The following TPRG1 variants were observed in gnomAD, a reference collection of about 807,000 sequenced individuals.
TPRG1 encodes tumor protein p63-regulated gene 1 protein.
Under a neutral mutation model 29.3 loss-of-function variants are expected in TPRG1, and 29 were observed. The observed-to-expected ratio is 0.99, with a 90% CI of 0.74 to 1.35. The LOEUF (loss-of-function observed/expected upper bound fraction) is 1.35, where lower values mean the gene tolerates loss of function less well. Ranked by LOEUF, TPRG1 falls within the 40% of genes most tolerant of loss-of-function variation. The pLI is 0.00. For missense variants in TPRG1, 327 were observed against 335.0 expected, an observed-to-expected ratio of 0.98 and a Z score of 0.19; for synonymous variants, 130 against 116.8, an observed-to-expected ratio of 1.11 and a Z score of -0.73.
At chr3:188,999,573 C>T (rs1362378777) in intron 1 of TPRG1, among the ~76,000 whole-genome samples, 2 of 151,986 alleles carry the variant, frequency 1.3e-5, no homozygotes, top group Non-Finnish European at 2.9e-5. Flanking sequence ...CTTATTTGCC[C>T]TTTTTTTCTT....
At chr3:189,299,766 T>G (rs1003421140) in intron 4 of TPRG1, among the ~76,000 whole-genome samples, 1 of 152,168 alleles carries the variant, frequency 6.6e-6, no homozygotes, top group African/African-American at 2.4e-5. Flanking sequence ...TCACAGTTCA[T>G]TTGATGATGT....
At chr3:189,031,866 A>T (rs1326073565) in intron 4 of TPRG1, among the ~76,000 whole-genome samples, 1 of 152,224 alleles carries the variant, frequency 6.6e-6, no homozygotes, top group Non-Finnish European at 1.5e-5. Flanking sequence ...CACCAAGGAA[A>T]GTAGCAATTA....
upstream of TPRG1, among the ~76,000 whole-genome samples, chr3:189,099,688 A>G (rs368742244): frequency 3.3e-5 from 5 of 152,058 alleles, no homozygotes; most frequent in Non-Finnish European, 7.4e-5. Context: ...CGGTAGCTCA[A>G]TTGCTTAAAA....
intron 3 of TPRG1, among the ~76,000 whole-genome samples, chr3:189,227,739 A>T (rs1737984353): frequency 6.6e-6 from 1 of 152,258 alleles, no homozygotes; most frequent in Non-Finnish European, 1.5e-5. Context: ...ATAATAAATT[A>T]AAAACTGTAA....
chr3:189,172,313 A>G (rs182476004), intron 1 of TPRG1, among the ~76,000 whole-genome samples, 182 bp downstream of exon 1: 254 of 151,530 alleles, frequency 1.7e-3, no homozygotes, highest in Admixed American at 4.2e-3. Flanking sequence ...TCCAGGGTTG[A>G]TGAGGCTTGT....
chr3:189,254,337 A>G (rs557877971), intron 4 of TPRG1, among the ~76,000 whole-genome samples: 62 of 152,102 alleles, frequency 4.1e-4, no homozygotes, highest in Middle Eastern at 3.4e-3. Flanking sequence ...CTGTAGATGT[A>G]TGGTGTTATT....
At chr3:189,137,733 A>G (rs1046917899) in intron 3 of TPRG1, among the ~76,000 whole-genome samples, 1 of 152,138 alleles carries the variant, frequency 6.6e-6, no homozygotes, top group Non-Finnish European at 1.5e-5. Flanking sequence ...ACAACACTTT[A>G]TGCCTGCTTC....
At chr3:189,253,786 C>G (rs1459867328) in intron 4 of TPRG1, among the ~76,000 whole-genome samples, 1 of 152,148 alleles carries the variant, frequency 6.6e-6, no homozygotes, top group African/African-American at 2.4e-5. Flanking sequence ...TTTTAATGAT[C>G]ACAATTCTAA....
chr3:189,062,263 A>G (rs544681007), intron 4 of TPRG1, among the ~76,000 whole-genome samples: 21 of 152,160 alleles, frequency 1.4e-4, no homozygotes, highest in Admixed American at 3.9e-4. Context: ...AAAGAAGGGA[A>G]CAACAGATAC....
intron 3 of TPRG1, among the ~76,000 whole-genome samples, chr3:189,139,271 T>G (rs1285121100): frequency 1.3e-5 from 2 of 152,218 alleles, no homozygotes; most frequent in African/African-American, 4.8e-5. Context: ...AAACCCACAC[T>G]GTGCTCTTTG....
intron 1 of TPRG1, among the ~76,000 whole-genome samples, chr3:189,113,725 A>C (rs1720828278): frequency 6.6e-6 from 1 of 151,756 alleles, no homozygotes; most frequent in Admixed American, 6.6e-5. Context: ...CAATGAGAAC[A>C]CATGGACACA....
intron 4 of TPRG1, among the ~76,000 whole-genome samples, chr3:189,149,545 C>T (rs1269962194): frequency 6.6e-6 from 1 of 152,200 alleles, no homozygotes; most frequent in Non-Finnish European, 1.5e-5. Context: ...TGACTGGTCC[C>T]CTGATGGGCA....
At chr3:189,266,430 C>T (rs138605979) in intron 4 of TPRG1, among the ~76,000 whole-genome samples, 110 of 152,264 alleles carry the variant, frequency 7.2e-4, no homozygotes, top group African/African-American at 2.6e-3. Flanking sequence ...AAGGAGTGTT[C>T]ATCATTCACT....
At chr3:189,158,466 A>G (rs564143520) in intron 5 of TPRG1, among the ~76,000 whole-genome samples, 17 of 152,060 alleles carry the variant, frequency 1.1e-4, no homozygotes, top group African/African-American at 3.9e-4. Context: ...AAAATTCGCC[A>G]GGCGTGGTGG....
At chr3:189,205,312 T>C (rs951567946) in intron 1 of TPRG1, among the ~76,000 whole-genome samples, 3 of 152,270 alleles carry the variant, frequency 2.0e-5, no homozygotes, top group African/African-American at 7.2e-5. Flanking sequence ...TTTCCACTTG[T>C]GAGTTACCTT....
intron 4 of TPRG1, among the ~76,000 whole-genome samples, chr3:189,075,680 A>G (rs6784491): frequency 0.074 from 11,252 of 152,212 alleles, 1,333 homozygotes; most frequent in African/African-American, 0.25. Flanking sequence ...AGAGAAAATT[A>G]GTTGCCTTGG....
chr3:189,237,774 G>A (rs1036480005), intron 3 of TPRG1, among the ~76,000 whole-genome samples: 1 of 152,192 alleles, frequency 6.6e-6, no homozygotes, highest in Non-Finnish European at 1.5e-5. Context: ...GGGTGTCCAT[G>A]CCATTTACAC....
At chr3:189,298,427 A>AT (rs1720303280) in intron 4 of TPRG1, among the ~76,000 whole-genome samples, 1 of 152,106 alleles carries the variant, frequency 6.6e-6, no homozygotes, top group Non-Finnish European at 1.5e-5. Flanking sequence ...TCCTGTCTCT[A>AT]TTTTTCAGAG....
At chr3:189,049,401 A>C (rs1029102918) in intron 4 of TPRG1, among the ~76,000 whole-genome samples, 1 of 151,996 alleles carries the variant, frequency 6.6e-6, no homozygotes, top group Non-Finnish European at 1.5e-5. Context: ...GACGACCTTC[A>C]TGACTCAGCA....
Sources: gnomAD v4.1 joint callset for allele counts (sites outside exome capture counted in the v4.1 genomes callset) on GRCh38, gnomAD v4.1.1 for gene constraint, MANE v1.5 for transcripts, NCBI Gene and HGNC (gene_info 2026-07-23, HGNC 2026-07-21) for gene names.